ROBO2: variants seen among roughly 807,000 people sequenced by gnomAD.
ROBO2 encodes the protein roundabout guidance receptor 2, also known as roundabout homolog 2.
In ROBO2, 53 loss-of-function variants were observed where a neutral mutation model predicts 160.8. The ratio of observed to expected loss-of-function variants is 0.33; its 90% CI spans 0.26 to 0.41. The LOEUF is 0.41. Ranked by LOEUF, ROBO2 falls within the 10% of genes least tolerant of loss-of-function variation. The pLI, the probability that ROBO2 is intolerant of heterozygous loss-of-function variation, is 1.00. For synonymous variants in ROBO2, 664 were observed against 611.7 expected, an observed-to-expected ratio of 1.09 and a Z score of -1.26; for missense variants, 1,577 against 1,722.4, an observed-to-expected ratio of 0.92 and a Z score of 1.49.
chr3:76,883,696 G>A (rs533453328), intron 2 of ROBO2, among the ~76,000 whole-genome samples: 11 of 152,264 alleles, frequency 7.2e-5, no homozygotes, highest in Admixed American at 4.6e-4. Flanking sequence ...TCCAATACAC[G>A]ATTGCCTAAT....
intron 2 of ROBO2, among the ~76,000 whole-genome samples, chr3:76,488,227 C>G (rs2079607878): frequency 6.6e-6 from 1 of 152,184 alleles, no homozygotes; most frequent in African/African-American, 2.4e-5. Context: ...CACAGCATCA[C>G]TGAATTCTTT....
chr3:76,480,080 A>G (rs1195892732), intron 2 of ROBO2, among the ~76,000 whole-genome samples: 1 of 152,118 alleles, frequency 6.6e-6, no homozygotes, highest in Non-Finnish European at 1.5e-5. Context: ...AAAAGAGGGG[A>G]AAGTGAAGGA....
intron 2 of ROBO2, among the ~76,000 whole-genome samples, chr3:76,927,699 A>G (rs905526865): frequency 6.6e-6 from 1 of 152,202 alleles, no homozygotes; most frequent in African/African-American, 2.4e-5. Flanking sequence ...TGTAGAAGCA[A>G]ATATATCAAA....
At chr3:76,199,937 T>C (rs1015639518) in intron 2 of ROBO2, among the ~76,000 whole-genome samples, 4 of 152,202 alleles carry the variant, frequency 2.6e-5, no homozygotes, top group African/African-American at 9.6e-5. Context: ...TGACTGTCTC[T>C]GTATAGCAAA....
At chr3:76,780,764 T>C (rs1224837274) in intron 2 of ROBO2, among the ~76,000 whole-genome samples, 1 of 150,820 alleles carries the variant, frequency 6.6e-6, no homozygotes, top group Non-Finnish European at 1.5e-5. Flanking sequence ...GAATTTCTAT[T>C]TTGTTCCATG....
At chr3:76,241,877 A>G (rs968323417) in intron 2 of ROBO2, among the ~76,000 whole-genome samples, 9 of 152,156 alleles carry the variant, frequency 5.9e-5, no homozygotes, top group Non-Finnish European at 1.3e-4. Context: ...GATTAGGACA[A>G]TTTTCATGAT....
chr3:77,493,467 A>G lies in ROBO2; in HGVS notation c.806+85A>G. ...AGGACAGCTACAATGCCACCACCAA[A>G]CACTCCTATGTCTTGGGGTACTTTC... On this transcript the variant is annotated intron_variant, in intron 5 of 25. Coordinates refer to ENST00000461745, the Ensembl canonical transcript of ROBO2. The G allele has an allele frequency of 2.8e-6, 4 of 1,408,976 alleles. No individual in the cohort carries two copies. The South Asian group carries it at 4.7e-5, about 17-fold the overall frequency. The allele number at this position is 1,408,976 out of a possible 1,614,324, so 87.3% of individuals were successfully genotyped here.
intron 2 of ROBO2, among the ~76,000 whole-genome samples, chr3:77,105,880 T>A (rs1403971375): frequency 6.6e-6 from 1 of 152,136 alleles, no homozygotes; most frequent in Non-Finnish European, 1.5e-5. Context: ...GTCAAGTAGA[T>A]CCTATCCATA....
At chr3:76,416,516 A>T (rs1403831049) in intron 2 of ROBO2, among the ~76,000 whole-genome samples, 1 of 152,216 alleles carries the variant, frequency 6.6e-6, no homozygotes, top group Non-Finnish European at 1.5e-5. Flanking sequence ...ATTAAAAATT[A>T]CTTTAAAGAG....
chr3:77,512,393 C>G (rs1329771841), intron 5 of ROBO2, among the ~76,000 whole-genome samples: 1 of 151,874 alleles, frequency 6.6e-6, no homozygotes, highest in Non-Finnish European at 1.5e-5. Flanking sequence ...ATTTAAGTTT[C>G]TGCAGGAAAG....
intron 2 of ROBO2, among the ~76,000 whole-genome samples, chr3:76,106,688 A>G (rs1050631925): frequency 1.4e-4 from 22 of 152,282 alleles, no homozygotes; most frequent in African/African-American, 4.6e-4. Flanking sequence ...ACAATTCCAT[A>G]AGCACTTGAG....
At chr3:77,193,190 G>A (rs547591377) in intron 2 of ROBO2, among the ~76,000 whole-genome samples, 3 of 151,778 alleles carry the variant, frequency 2.0e-5, no homozygotes, top group South Asian at 4.2e-4. Flanking sequence ...CGTCCCAGGC[G>A]AAGTCCTACC....
At chr3:77,584,892 ATGTG>A (rs71104693) in intron 16 of ROBO2, among the ~76,000 whole-genome samples, 4 of 147,342 alleles carry the variant, frequency 2.7e-5, no homozygotes, top group East Asian at 4.0e-4. Flanking sequence ...ATATATATGT[ATGTG>A]TGTGTGTGTG....
chr3:77,639,564 G>A (rs187718914), intron 24 of ROBO2, among the ~76,000 whole-genome samples: 4 of 152,292 alleles, frequency 2.6e-5, no homozygotes, highest in Non-Finnish European at 4.4e-5. Flanking sequence ...TCCAGGAAAT[G>A]AGAATGGCAA....
At chr3:77,536,842 C>T (rs1277365705) in intron 6 of ROBO2, among the ~76,000 whole-genome samples, 1 of 151,914 alleles carries the variant, frequency 6.6e-6, no homozygotes, top group Non-Finnish European at 1.5e-5. Context: ...AGGCACTGGC[C>T]CAAGTATAAA....
At chr3:77,318,945 A>G (rs1347761191) in intron 2 of ROBO2, among the ~76,000 whole-genome samples, 2 of 152,182 alleles carry the variant, frequency 1.3e-5, no homozygotes, top group East Asian at 1.9e-4. Context: ...TTAGATGACA[A>G]TGGTTCTAAT....
chr3:76,796,503 A>G lies in ROBO2; in HGVS notation c.110-301511A>G, dbSNP rs28616613. 1.1e-3 allele frequency among the ~76,000 whole-genome samples: 128 copies of G among 117,976 alleles called. 1 individual carries two copies. Among genetic ancestry groups the G allele is most frequent in the African/African-American group, 5.4e-3 (125 of 23,272 alleles). 77.4% of individuals were successfully genotyped at this position (117,976 alleles called of 152,430 possible). A position where few individuals can be genotyped will look rare whatever the true frequency, so the allele number is the denominator to read the frequency against. On this transcript the variant is annotated intron_variant, in intron 2 of 26. Coordinates refer to the ROBO2 transcript ENST00000487694. ...AGGAGGGAAGGAAGGAAGGAAGGAA[A>G]GAAGGAAAGAAGGAAGGAAGGAAGG...
chr3:77,463,655 A>T (rs1257212792), intron 2 of ROBO2, among the ~76,000 whole-genome samples: 1 of 151,974 alleles, frequency 6.6e-6, no homozygotes, highest in East Asian at 1.9e-4. Flanking sequence ...ATCATGTTTC[A>T]CTGCAGCCTT....
intron 2 of ROBO2, among the ~76,000 whole-genome samples, chr3:77,003,806 A>C (rs180716528): frequency 4.6e-5 from 7 of 152,098 alleles, no homozygotes; most frequent in Non-Finnish European, 8.8e-5. Context: ...TGACTCGGCC[A>C]AGTTCTGGGA....
Sources: gnomAD v4.1 joint callset for allele counts (sites outside exome capture counted in the v4.1 genomes callset) on GRCh38, gnomAD v4.1.1 for gene constraint, MANE v1.5 for transcripts, NCBI Gene and HGNC (gene_info 2026-07-23, HGNC 2026-07-21) for gene names.